The following FRYL variants were observed in gnomAD, a reference collection of about 807,000 sequenced individuals.
FRYL encodes protein furry homolog-like.
Under a neutral mutation model 351.2 loss-of-function variants are expected in FRYL, and 150 were observed. That is an observed-to-expected ratio of 0.43 (90% CI 0.37 to 0.49). The LOEUF (loss-of-function observed/expected upper bound fraction) is 0.49, where lower values mean the gene tolerates loss of function less well. Ranked by LOEUF, FRYL falls within the 20% of genes least tolerant of loss-of-function variation. The pLI, the probability that FRYL is intolerant of heterozygous loss-of-function variation, is 0.00. For missense variants in FRYL, 3,036 were observed against 3,619.3 expected (o/e 0.84, Z 4.13); for synonymous variants, 1,153 against 1,257.1 (o/e 0.92, Z 1.75).
Position 48,740,960 on chromosome 4 carries a change from T to C in FRYL, c.-383-30262A>G, listed in dbSNP as rs182758139. Reference sequence around the variant, plus strand: ...ACAAAAGCCTACATATGGATACTTATAGCAGCATTATTCATAACTGCCAAA... The same window carrying C: ...ACAAAAGCCTACATATGGATACTTACAGCAGCATTATTCATAACTGCCAAA... On this transcript the variant is annotated intron_variant, in intron 1 of 63. Transcript: ENST00000358350. Among the ~76,000 whole-genome samples the C allele has an allele frequency of 1.4e-3, 215 of 151,956 alleles. 1 individual carries two copies. Among genetic ancestry groups the C allele is most frequent in the African/African-American group, 4.6e-3 (191 of 41,422 alleles).
At chr4:48,742,298 C>CCTTACTTAACCA (rs1772181170) in intron 1 of FRYL, among the ~76,000 whole-genome samples, 1 of 152,180 alleles carries the variant, frequency 6.6e-6, no homozygotes, top group Admixed American at 6.5e-5. Flanking sequence ...TTGGAGTCTT[C>CCTTACTTAACCA]ATTTTACTTA....
chr4:48,694,580 A>C (rs1004622971), intron 2 of FRYL, among the ~76,000 whole-genome samples: 2 of 152,176 alleles, frequency 1.3e-5, no homozygotes, highest in African/African-American at 4.8e-5. Context: ...TATAGGTGTG[A>C]GCCACTGTGC....
intron 2 of FRYL, among the ~76,000 whole-genome samples, chr4:48,704,317 T>C (rs909174881): frequency 6.6e-6 from 1 of 152,050 alleles, no homozygotes; most frequent in Admixed American, 6.6e-5. Flanking sequence ...TAAAAAGATA[T>C]TCAATATCAC....
At chr4:48,562,664 A>G (rs926228861) in intron 32 of FRYL, among the ~76,000 whole-genome samples, 1 of 152,224 alleles carries the variant, frequency 6.6e-6, no homozygotes, top group Non-Finnish European at 1.5e-5. Context: ...TATCATAAAT[A>G]ATCCTTCTAC....
intron 1 of FRYL, among the ~76,000 whole-genome samples, chr4:48,775,635 A>G (rs1322177765): frequency 6.6e-6 from 1 of 152,196 alleles, no homozygotes; most frequent in Non-Finnish European, 1.5e-5. Context: ...CCATGAACAA[A>G]TCTACATTTC....
chr4:48,755,403 A>G (rs768565768), intron 1 of FRYL, among the ~76,000 whole-genome samples: 2 of 152,202 alleles, frequency 1.3e-5, no homozygotes, highest in Non-Finnish European at 2.9e-5. Flanking sequence ...TCCACATGCC[A>G]CTAGAAATTT....
intron 1 of FRYL, among the ~76,000 whole-genome samples, chr4:48,714,801 C>T (rs10011896): frequency 0.5 from 73,249 of 146,518 alleles, 18,479 homozygotes; most frequent in African/African-American, 0.59. Context: ...ATACCAAAGC[C>T]GGGCAGAGAC....
intron 4 of FRYL, among the ~76,000 whole-genome samples, chr4:48,626,482 C>T (rs190545093): frequency 7.2e-5 from 11 of 151,978 alleles, no homozygotes; most frequent in African/African-American, 2.7e-4. Context: ...ATTAATCAAA[C>T]CATTACAATT....
intron 1 of FRYL, among the ~76,000 whole-genome samples, chr4:48,733,364 A>G (rs952434341): frequency 1.3e-5 from 2 of 151,938 alleles, no homozygotes; most frequent in African/African-American, 4.8e-5. Context: ...GTAAAAAAGA[A>G]ATAAAAACTT....
chr4:48,579,431 CT>C (rs947983498), intron 22 of FRYL, among the ~76,000 whole-genome samples, 190 bp from the exon 23 acceptor site: 5 of 151,796 alleles, frequency 3.3e-5, no homozygotes, highest in Non-Finnish European at 7.4e-5. Context: ...GCATACATGT[CT>C]TTTTTTTGGA....
At chr4:48,693,557 A>T (rs1222741180) in intron 2 of FRYL, among the ~76,000 whole-genome samples, 1 of 152,270 alleles carries the variant, frequency 6.6e-6, no homozygotes, top group African/African-American at 2.4e-5. Context: ...GAAGACATAA[A>T]TATTAAAATA....
intron 4 of FRYL, among the ~76,000 whole-genome samples, chr4:48,624,117 C>G (rs1751279830): frequency 6.6e-6 from 1 of 152,122 alleles, no homozygotes; most frequent in Non-Finnish European, 1.5e-5. Context: ...ACAATACTTT[C>G]AGGAGGTAAC....
Position 48,620,787 on chromosome 4 carries a change from A to T in FRYL, c.175-9T>A. 1 of 1,608,116 alleles carries T rather than the reference A, an allele frequency of 6.2e-7. No individual in the cohort carries two copies. The highest frequency in any genetic ancestry group is 8.5e-7 in the Non-Finnish European group (1 of 1,175,724). ...CTCATAGAGCTTATCAACTGAAAAC[A>T]CAAGATATTACCAGAAAATAAATTG... On this transcript the variant is annotated splice_polypyrimidine_tract_variant and intron_variant, in intron 5 of 63. Transcript: ENST00000358350.
At chr4:48,689,942 G>A (rs1156718051) in intron 2 of FRYL, among the ~76,000 whole-genome samples, 10 of 148,158 alleles carry the variant, frequency 6.7e-5, no homozygotes, top group Non-Finnish European at 1.5e-4. Context: ...TGTCATCCAG[G>A]CTGGAGTGCA....
chr4:48,545,381 G>C (rs1204742403), intron 42 of FRYL, among the ~76,000 whole-genome samples: 1 of 152,048 alleles, frequency 6.6e-6, no homozygotes, highest in African/African-American at 2.4e-5. Flanking sequence ...ATTAACACAG[G>C]CCCAAAGTGC....
At chr4:48,700,681 A>G (rs1016214595) in intron 2 of FRYL, among the ~76,000 whole-genome samples, 5 of 152,002 alleles carry the variant, frequency 3.3e-5, no homozygotes, top group African/African-American at 1.2e-4. Flanking sequence ...GTGTGTTTGT[A>G]GTCCCAGCTA....
chr4:48,725,598 G>A (rs1769986581), intron 1 of FRYL, among the ~76,000 whole-genome samples: 2 of 152,200 alleles, frequency 1.3e-5, no homozygotes, highest in African/African-American at 4.8e-5. Flanking sequence ...CTGCCCACCC[G>A]GGACATGAAT....
chr4:48,544,108 T>C, intron 43 of FRYL, 111 bp from the exon 44 acceptor site: 2 of 827,772 alleles, frequency 2.4e-6, no homozygotes. Context: ...TTCCTGGCTC[T>C]CACATTTTAT....
chr4:48,769,887 A>G (rs1230987280), intron 1 of FRYL, among the ~76,000 whole-genome samples: 1 of 152,206 alleles, frequency 6.6e-6, no homozygotes, highest in Non-Finnish European at 1.5e-5. Context: ...TGAAAAGAGA[A>G]TTAGTGGCTG....
Sources: allele counts gnomAD v4.1 joint callset (sites outside exome capture counted in the v4.1 genomes callset), GRCh38; gene constraint gnomAD v4.1.1; transcripts MANE v1.5; gene names NCBI Gene and HGNC (gene_info 2026-07-23, HGNC 2026-07-21).